Variants in RIMS4 observed in about 807,000 individuals in gnomAD.
RIMS4 encodes the protein regulating synaptic membrane exocytosis 4.
A neutral mutation model predicts 29.0 loss-of-function variants in RIMS4; 9 were observed. That is an observed-to-expected ratio of 0.31 (90% CI 0.19 to 0.54). The LOEUF (loss-of-function observed/expected upper bound fraction) is 0.54. Among genes scored for constraint, RIMS4 ranks in the 20% least tolerant of loss-of-function variants. The probability of loss-of-function intolerance (pLI) is 0.94; values close to 1 mark genes in which losing one functional copy is unlikely to be tolerated. For synonymous variants in RIMS4, 130 were observed against 152.9 expected (o/e 0.85, Z 1.10); for missense variants, 193 against 365.7 (o/e 0.53, Z 3.85).
chr20:44,796,326 T>C (rs964735574), intron 1 of RIMS4, among the ~76,000 whole-genome samples: 6 of 152,142 alleles, frequency 3.9e-5, no homozygotes, highest in African/African-American at 1.4e-4. Flanking sequence ...CAGAATGTAA[T>C]TCCATGACAA....
At position 44,755,860 on chromosome 20, in the gene RIMS4, A is replaced by C. The variant is rs1464673241; in HGVS notation, c.*274T>G. On this transcript the variant is annotated 3_prime_UTR_variant, in exon 6 of 6. Transcript: ENST00000372851. ...GAGAGTGGTCTGCTCTGCCACCTCAATCTTTCCTTTCTCTGGACTGCAGCC... is the reference window on the plus strand; with the variant it reads ...GAGAGTGGTCTGCTCTGCCACCTCACTCTTTCCTTTCTCTGGACTGCAGCC... 2.3e-6 allele frequency: 1 copy of C among 434,764 alleles called. No homozygotes were observed. The highest frequency in any genetic ancestry group is 3.5e-5 in the Admixed American group (1 of 28,424). The allele number at this position is 434,764 out of a possible 1,614,324, so 26.9% of individuals were successfully genotyped here.
intron 2 of RIMS4, among the ~76,000 whole-genome samples, chr20:44,764,200 A>G (rs373204302): frequency 5.1e-5 from 3 of 59,124 alleles, no homozygotes; most frequent in Non-Finnish European, 1.2e-4. Context: ...TTATCCATCC[A>G]TCCATCCATC....
chr20:44,810,133 C>T, intron 1 of RIMS4, 42 bp downstream of exon 1: 1 of 1,346,046 alleles, frequency 7.4e-7, no homozygotes, highest in Non-Finnish European at 1.0e-6. Flanking sequence ...GACCTGGATC[C>T]CGGGACACCC....
intron 2 of RIMS4, among the ~76,000 whole-genome samples, chr20:44,759,963 G>A (rs1213949783): frequency 6.6e-6 from 1 of 152,224 alleles, no homozygotes; most frequent in African/African-American, 2.4e-5. Flanking sequence ...CATTCAGACA[G>A]TAGCCAGGGT....
At chr20:44,778,183 G>C (rs2066168730) in intron 1 of RIMS4, among the ~76,000 whole-genome samples, 1 of 152,192 alleles carries the variant, frequency 6.6e-6, no homozygotes, top group Admixed American at 6.5e-5. Flanking sequence ...TCCAAGGATG[G>C]GTGGAGGAAG....
intron 1 of RIMS4, among the ~76,000 whole-genome samples, chr20:44,772,061 G>C (rs1054811250): frequency 1.3e-5 from 2 of 152,190 alleles, no homozygotes; most frequent in Non-Finnish European, 2.9e-5. Context: ...GTGGCTGGGA[G>C]ACTTAAGGCA....
At chr20:44,758,045 A>C (rs926262609) in intron 3 of RIMS4, 27 bp downstream of exon 3, 7 of 1,526,436 alleles carry the variant, frequency 4.6e-6, no homozygotes, top group Admixed American at 1.8e-5. Context: ...CCCCTAGTCC[A>C]TTTGAAACCA....
chr20:44,787,053 A>G (rs2066211649), intron 1 of RIMS4, among the ~76,000 whole-genome samples: 1 of 152,210 alleles, frequency 6.6e-6, no homozygotes, highest in African/African-American at 2.4e-5. Flanking sequence ...AGAAGGCAAT[A>G]AGGGCAGGGA....
intron 1 of RIMS4, among the ~76,000 whole-genome samples, chr20:44,789,091 C>T (rs1403401092): frequency 6.6e-6 from 1 of 151,810 alleles, no homozygotes; most frequent in African/African-American, 2.4e-5. Flanking sequence ...AATGAGGACA[C>T]CGAGACACAG....
At chr20:44,804,821 T>C (rs920066520) in intron 1 of RIMS4, among the ~76,000 whole-genome samples, 6 of 152,044 alleles carry the variant, frequency 3.9e-5, no homozygotes, top group Non-Finnish European at 7.4e-5. Context: ...CCGAGGAAGC[T>C]GGAGCCAGGA....
chr20:44,764,151 T>TATCC (rs376980648), intron 2 of RIMS4, among the ~76,000 whole-genome samples: 4,425 of 40,618 alleles, frequency 0.11, 573 homozygotes, highest in East Asian at 0.22. Context: ...TGCATCCATT[T>TATCC]ATCCATCCAT....
intron 1 of RIMS4, among the ~76,000 whole-genome samples, chr20:44,787,160 G>A (rs1353387166): frequency 2.6e-5 from 4 of 152,150 alleles, no homozygotes; most frequent in Admixed American, 6.5e-5. Context: ...TGGTATGTTC[G>A]AAGGAGACGA....
chr20:44,757,642 A>G (rs1397322477), intron 4 of RIMS4, 28 bp downstream of exon 4: 1 of 1,576,134 alleles, frequency 6.3e-7, no homozygotes, highest in Non-Finnish European at 8.7e-7. Context: ...CTCCACCCCC[A>G]CCTTGCAGGG....
intron 1 of RIMS4, 116 bp from the exon 2 acceptor site, chr20:44,771,529 C>A: frequency 8.6e-7 from 1 of 1,168,226 alleles, no homozygotes; most frequent in Non-Finnish European, 1.2e-6. Flanking sequence ...CAGCTTCAGC[C>A]TCCACCCTCA....
In RIMS4 at chr20:44,777,891, T is replaced by C. The variant is rs548049269; in HGVS notation, c.98-6478A>G. Among the ~76,000 whole-genome samples, 120 of 152,302 alleles carry C rather than the reference T, an allele frequency of 7.9e-4. 1 individual carries two copies. The highest frequency in any genetic ancestry group is 2.7e-3 in the African/African-American group (112 of 41,556). On this transcript the variant is annotated intron_variant, in intron 1 of 5. Coordinates refer to ENST00000372851, the MANE Select transcript of RIMS4 (RefSeq NM_182970.4). ...CCCAGACACAAGAGCTCTGGGTGAC[T>C]GGGTTATTTTAAACCAGGATGCGAA...
chr20:44,788,989 AT>A (rs1426834508), intron 1 of RIMS4, among the ~76,000 whole-genome samples: 2 of 152,142 alleles, frequency 1.3e-5, no homozygotes, highest in African/African-American at 4.8e-5. Flanking sequence ...TATGAAGTGA[AT>A]GCCTTACGGC....
intron 1 of RIMS4, among the ~76,000 whole-genome samples, chr20:44,783,128 C>T (rs565207953): frequency 3.2e-4 from 49 of 152,270 alleles, no homozygotes; most frequent in African/African-American, 1.1e-3. Flanking sequence ...AAGCAGTTTG[C>T]CCAAGGTCCC....
intron 2 of RIMS4, among the ~76,000 whole-genome samples, chr20:44,764,260 A>ATCCATCCATCCATC (rs1555859479): frequency 6.6e-6 from 1 of 151,784 alleles, no homozygotes; most frequent in African/African-American, 2.4e-5. Flanking sequence ...CCATCCTCCC[A>ATCCATCCATCCATC]CAAACTCACC....
At chr20:44,793,611 C>T (rs952467461) in intron 1 of RIMS4, among the ~76,000 whole-genome samples, 5 of 152,172 alleles carry the variant, frequency 3.3e-5, no homozygotes, top group African/African-American at 1.2e-4. Flanking sequence ...GACTCAGGGC[C>T]ATTTGGGCAG....
Sources: allele counts gnomAD v4.1 joint callset (sites outside exome capture counted in the v4.1 genomes callset), GRCh38; gene constraint gnomAD v4.1.1; transcripts MANE v1.5; gene names NCBI Gene and HGNC (gene_info 2026-07-23, HGNC 2026-07-21).